EIF3E: variants seen among roughly 807,000 people sequenced by gnomAD.
EIF3E encodes eIF-3 p48.
In EIF3E, 25 loss-of-function variants were observed where a neutral mutation model predicts 59.3. The observed-to-expected ratio is 0.42, with a 90% confidence interval of 0.31 to 0.59. The LOEUF (loss-of-function observed/expected upper bound fraction) is 0.59. Ranked by LOEUF, EIF3E falls within the 20% of genes least tolerant of loss-of-function variation. EIF3E has a pLI of 0.15. For synonymous variants in EIF3E, 176 were observed against 170.2 expected, an observed-to-expected ratio of 1.03 and a Z score of -0.26; for missense variants, 317 against 534.3, an observed-to-expected ratio of 0.59 and a Z score of 4.01.
intron 1 of EIF3E, chr8:108,242,980 T>C (rs556606367): frequency 6.5e-6 from 1 of 153,186 alleles, no homozygotes; most frequent in South Asian, 2.1e-4. Flanking sequence ...GATCCAGCAA[T>C]TGTTTCGAGG....
intron 7 of EIF3E, among the ~76,000 whole-genome samples, chr8:108,220,277 ATTATC>A (rs1320858788): frequency 2.6e-5 from 4 of 152,248 alleles, no homozygotes; most frequent in African/African-American, 4.8e-5. Context: ...TTATTTTGGT[ATTATC>A]TTTTAGCGTG....
At chr8:108,218,161 C>A (rs1815337862) in intron 7 of EIF3E, among the ~76,000 whole-genome samples, 1 of 130,762 alleles carries the variant, frequency 7.6e-6, no homozygotes, top group Non-Finnish European at 1.6e-5. Context: ...GAGGGCCAGA[C>A]ACTATACATA....
chr8:108,210,767 C>A (rs921057693), intron 10 of EIF3E, among the ~76,000 whole-genome samples: 7 of 151,900 alleles, frequency 4.6e-5, no homozygotes, highest in Non-Finnish European at 8.8e-5. Context: ...CCACGACAGG[C>A]CCCGGTGTGT....
intron 2 of EIF3E, among the ~76,000 whole-genome samples, chr8:108,241,487 G>A (rs1476103100): frequency 1.3e-5 from 2 of 151,110 alleles, no homozygotes; most frequent in African/African-American, 4.9e-5. Flanking sequence ...AACTGAAAAA[G>A]TTAGCAACCC....
At chr8:108,223,761 C>T (rs1475582701) in intron 7 of EIF3E, among the ~76,000 whole-genome samples, 1 of 146,534 alleles carries the variant, frequency 6.8e-6, no homozygotes, top group African/African-American at 2.8e-5. Flanking sequence ...TTTAAAAGTT[C>T]AACACTTTTC....
chr8:108,205,269 C>T (rs901299514), intron 10 of EIF3E, among the ~76,000 whole-genome samples: 33 of 152,116 alleles, frequency 2.2e-4, no homozygotes, highest in African/African-American at 8.0e-4. Context: ...GTGCACGCAC[C>T]GTATCTTCCT....
intron 6 of EIF3E, 123 bp downstream of exon 6, chr8:108,228,947 G>A: frequency 1.8e-6 from 2 of 1,081,372 alleles, no homozygotes; most frequent in South Asian, 5.1e-5. Context: ...TTTTTGTAAG[G>A]TCAACAAAAG....
At chr8:108,231,202 A>G (rs1171181351) in intron 5 of EIF3E, among the ~76,000 whole-genome samples, 4 of 152,184 alleles carry the variant, frequency 2.6e-5, no homozygotes, top group African/African-American at 9.6e-5. Context: ...TAATTCTTAT[A>G]AAGGATATCT....
At chr8:108,204,786 G>GAGAGAGAGAGAGAGAGAC (rs1299390154) in intron 10 of EIF3E, among the ~76,000 whole-genome samples, 94 of 139,252 alleles carry the variant, frequency 6.8e-4, no homozygotes, top group Admixed American at 1.7e-3. Context: ...GAGAGACAGA[G>GAGAGAGAGAGAGAGAGAC]AGAGAGAGAG....
intron 7 of EIF3E, among the ~76,000 whole-genome samples, chr8:108,224,485 A>G (rs2129885123): frequency 6.6e-6 from 1 of 151,650 alleles, no homozygotes; most frequent in Non-Finnish European, 1.5e-5. Flanking sequence ...TGATCTGTCA[A>G]GTCAACTGGG....
intron 2 of EIF3E, among the ~76,000 whole-genome samples, chr8:108,240,719 C>T (rs941172336): frequency 2.6e-5 from 4 of 152,192 alleles, no homozygotes; most frequent in Non-Finnish European, 5.9e-5. Context: ...CAAGGGCGCA[C>T]GCCTGTAACC....
Position 108,229,199 on chromosome 8 carries a change from T to C in EIF3E, c.472-4A>G. Reference sequence around the variant, plus strand: ...CATTTCTATCTGTTGCTGGAACCTGTTTAAGAAATCATAATTAATTATATT... The same window carrying C: ...CATTTCTATCTGTTGCTGGAACCTGCTTAAGAAATCATAATTAATTATATT... On this transcript the variant is annotated splice_region_variant and splice_polypyrimidine_tract_variant and intron_variant, in intron 5 of 12. Transcript: ENST00000220849. The C allele has an allele frequency of 6.2e-7, 1 of 1,611,100 alleles. No homozygotes were observed. The highest frequency in any genetic ancestry group is 8.5e-7 in the Non-Finnish European group (1 of 1,178,862).
At chr8:108,214,004 A>G (rs1392267237) in intron 10 of EIF3E, among the ~76,000 whole-genome samples, 2 of 152,212 alleles carry the variant, frequency 1.3e-5, no homozygotes, top group Non-Finnish European at 2.9e-5. Flanking sequence ...CCCAAAGGGC[A>G]CTAGTCATTT....
chr8:108,228,235 C>A, intron 7 of EIF3E, 32 bp downstream of exon 7: 1 of 1,534,392 alleles, frequency 6.5e-7, no homozygotes, highest in Non-Finnish European at 8.7e-7. Context: ...TTTATCTAAA[C>A]AAAGCCAAAA....
rs753925030 is a variant in EIF3E, at chr8:108,229,224, T to A, written c.472-29A>T. The A allele has an allele frequency of 1.6e-5, 25 of 1,606,166 alleles. No individual in the cohort carries two copies. The Admixed American group carries it at 4.2e-4, about 27-fold the overall frequency. The stretch of plus-strand genomic sequence containing the variant: ...TTTAAGAAATCATAATTAATTATAT[T>A]GTGAATACTCTTGAAAAATGAACAT... On this transcript the variant is annotated intron_variant, in intron 5 of 12. Coordinates refer to ENST00000220849, the MANE Select transcript of EIF3E (RefSeq NM_001568.3).
rs2348753 is a variant in EIF3E at position 108,223,992 on chromosome 8, C to T, written c.722+4275G>A. Among the ~76,000 whole-genome samples, 748 of 150,772 alleles carry T rather than the reference C, an allele frequency of 5.0e-3. 40 individuals are homozygous for T. The highest frequency in any genetic ancestry group is 0.017 in the African/African-American group (693 of 40,404). The stretch of plus-strand genomic sequence containing the variant: ...CAGCACTTTGGGATTCCAAGGTGGG[C>T]GGGTCACGAGGTCAGGAGATAGAGA... On this transcript the variant is annotated intron_variant, in intron 7 of 12. Transcript: ENST00000220849.
intron 12 of EIF3E, among the ~76,000 whole-genome samples, chr8:108,202,393 T>C (rs1163465972): frequency 6.6e-6 from 1 of 152,042 alleles, no homozygotes; most frequent in East Asian, 1.9e-4. Context: ...TCCTAATGAC[T>C]TCCTACCCTC....
intron 5 of EIF3E, chr8:108,234,499 A>C (rs1815686600): frequency 6.6e-6 from 1 of 152,504 alleles, no homozygotes; most frequent in East Asian, 1.9e-4. Flanking sequence ...TTATATTCCA[A>C]TAGCTGAAGG....
Position 108,217,391 on chromosome 8 carries a change from G to A in EIF3E, c.792C>T (p.Asn264=), listed in dbSNP as rs1052529316. The A allele has an allele frequency of 9.4e-6, 15 of 1,601,266 alleles. No homozygotes were observed. The highest frequency in any genetic ancestry group is 1.3e-5 in the Non-Finnish European group (15 of 1,173,862). ...CCTGCCGACGTTTTCGAACATCCTT[G>A]TTTGTTATGACTGCTGTAGTCAAAT... ...LRYLTTAVIT[N]KDVRKRRQVL... Residue 264 remains asparagine, a synonymous_variant, in exon 8 of 13, where the codon AAC becomes AAT. Transcript: ENST00000220849.
Sources: allele counts gnomAD v4.1 joint callset (sites outside exome capture counted in the v4.1 genomes callset), GRCh38; gene constraint gnomAD v4.1.1; transcripts MANE v1.5; gene names NCBI Gene and HGNC (gene_info 2026-07-23, HGNC 2026-07-21).